The following MICU1 variants were observed in gnomAD, a reference collection of about 807,000 sequenced individuals.
The protein encoded by MICU1 is mitochondrial calcium uptake 1.
In MICU1, 45 loss-of-function variants were observed where a neutral mutation model predicts 56.8. That is an observed-to-expected ratio of 0.79 (90% CI 0.62 to 1.02). MICU1 has a LOEUF of 1.02. Among genes scored for constraint, MICU1 ranks in the 50% least tolerant of loss-of-function variants. MICU1 has a pLI of 0.00. For synonymous variants in MICU1, 186 were observed against 195.1 expected (o/e 0.95, Z 0.39); for missense variants, 504 against 587.1 (o/e 0.86, Z 1.46).
chr10:72,617,963 A>G (rs893647058), intron 1 of MICU1, among the ~76,000 whole-genome samples: 2 of 152,110 alleles, frequency 1.3e-5, no homozygotes, highest in African/African-American at 4.8e-5. Flanking sequence ...GTCAGGAGTT[A>G]GAGACCAGCC....
intron 9 of MICU1, among the ~76,000 whole-genome samples, chr10:72,414,246 G>C (rs1297321271): frequency 1.3e-5 from 2 of 152,050 alleles, no homozygotes; most frequent in African/African-American, 4.8e-5. Context: ...ATAAAATTTA[G>C]TATATCCAAG....
intron 1 of MICU1, among the ~76,000 whole-genome samples, chr10:72,612,474 G>A (rs1841876960): frequency 6.6e-6 from 1 of 152,124 alleles, no homozygotes; most frequent in African/African-American, 2.4e-5. Context: ...GTCATGCCAA[G>A]GCTTTGACAG....
intron 5 of MICU1, among the ~76,000 whole-genome samples, chr10:72,518,171 T>C (rs1324867856): frequency 6.6e-6 from 1 of 152,042 alleles, no homozygotes; most frequent in Admixed American, 6.5e-5. Flanking sequence ...TAGCTGGGAT[T>C]ACAAGCATGT....
At chr10:72,488,439 T>C (rs1866546076) in intron 6 of MICU1, among the ~76,000 whole-genome samples, 1 of 152,156 alleles carries the variant, frequency 6.6e-6, no homozygotes, top group Admixed American at 6.5e-5. Context: ...TGGTCATTAC[T>C]ACTGCTACTA....
chr10:72,474,617 G>A (rs999285408), intron 8 of MICU1, among the ~76,000 whole-genome samples: 2 of 152,106 alleles, frequency 1.3e-5, no homozygotes, highest in Non-Finnish European at 2.9e-5. Flanking sequence ...TTAGCCTCCC[G>A]GGTAGCTGGG....
chr10:72,575,985 G>A (rs1019376064), intron 1 of MICU1, among the ~76,000 whole-genome samples: 3 of 152,026 alleles, frequency 2.0e-5, no homozygotes, highest in African/African-American at 4.8e-5. Context: ...AGGCTGAGGC[G>A]GGTGGATCAC....
chr10:72,545,435 T>G (rs1010528128), intron 4 of MICU1, among the ~76,000 whole-genome samples: 2 of 152,192 alleles, frequency 1.3e-5, no homozygotes, highest in African/African-American at 4.8e-5. Flanking sequence ...AGTTAACACA[T>G]GTAAGGTATA....
chr10:72,614,069 G>A (rs1841921020), intron 1 of MICU1, among the ~76,000 whole-genome samples: 1 of 152,118 alleles, frequency 6.6e-6, no homozygotes, highest in African/African-American at 2.4e-5. Context: ...GCTTGAACCA[G>A]GAGGCAGAGG....
intron 9 of MICU1, among the ~76,000 whole-genome samples, chr10:72,421,867 C>T (rs2132134552): frequency 6.6e-6 from 1 of 152,326 alleles, no homozygotes; most frequent in Middle Eastern, 3.4e-3. Context: ...GAGTGAACTC[C>T]AAACTCCCTC....
chr10:72,509,865 T>A (rs1867385536), intron 5 of MICU1, among the ~76,000 whole-genome samples: 1 of 152,122 alleles, frequency 6.6e-6, no homozygotes, highest in Non-Finnish European at 1.5e-5. Flanking sequence ...CACCAGGAAG[T>A]TAATATTTAA....
chr10:72,407,959 A>G lies in MICU1; in HGVS notation c.1150T>C (p.Tyr384His). ...INDVDTALSF[Y>H]HMAGASLDKV... ...TCAAGAGATGCTCCAGCCATATGGT[A>G]AAAACTCAATGCAGTGTCCACATCA... The change falls in exon 10 of 12, where the codon TAC (tyrosine) becomes CAC (histidine). Residue 384 changes from tyrosine to histidine, a missense_variant. By Grantham distance (83) the Tyr-to-His change is moderately conservative (BLOSUM62 2). Coordinates refer to ENST00000361114, the MANE Select transcript of MICU1 (RefSeq NM_001195518.2). 6.2e-7 allele frequency: 1 copy of G among 1,613,428 alleles called. No homozygotes were observed. The highest frequency in any genetic ancestry group is 8.5e-7 in the Non-Finnish European group (1 of 1,179,570).
In MICU1 at chr10:72,568,813, C is replaced by T. The variant is rs542672360; in HGVS notation, c.-1-2019G>A. 7.8e-4 allele frequency among the ~76,000 whole-genome samples: 106 copies of T among 135,992 alleles called. 1 individual carries two copies. The highest frequency in any genetic ancestry group is 1.8e-3 in the South Asian group (8 of 4,360). 89.2% of individuals were successfully genotyped at this position (135,992 alleles called of 152,430 possible). On this transcript the variant is annotated intron_variant, in intron 1 of 11. Coordinates refer to ENST00000361114, the MANE Select transcript of MICU1 (RefSeq NM_001195518.2). The stretch of plus-strand genomic sequence containing the variant: ...TATCACCCAGGCTGGAGTACAGTGG[C>T]GCAATCTCGGCTCACTGCAACCTCC...
intron 5 of MICU1, among the ~76,000 whole-genome samples, chr10:72,512,193 T>C (rs577318669): frequency 7.3e-6 from 1 of 137,746 alleles, no homozygotes; most frequent in South Asian, 2.6e-4. Flanking sequence ...CTTACTGCAA[T>C]CTCTGCCTCC....
intron 8 of MICU1, among the ~76,000 whole-genome samples, chr10:72,428,728 T>C (rs1013209991): frequency 4.6e-5 from 7 of 152,198 alleles, no homozygotes; most frequent in African/African-American, 1.7e-4. Context: ...CCCTCCAGCC[T>C]GACAGCCAAA....
intron 1 of MICU1, among the ~76,000 whole-genome samples, chr10:72,572,368 A>G (rs1359153833): frequency 6.6e-6 from 1 of 152,150 alleles, no homozygotes; most frequent in Non-Finnish European, 1.5e-5. Flanking sequence ...TCTGAGTTTT[A>G]CCAACTCAGA....
At chr10:72,610,693 C>T (rs952675619) in intron 1 of MICU1, among the ~76,000 whole-genome samples, 9 of 152,148 alleles carry the variant, frequency 5.9e-5, no homozygotes, top group African/African-American at 9.7e-5. Flanking sequence ...GAAATAAACA[C>T]ACAGACATCA....
intron 10 of MICU1, among the ~76,000 whole-genome samples, chr10:72,378,865 A>G (rs1862611160): frequency 6.6e-6 from 1 of 152,206 alleles, no homozygotes; most frequent in African/African-American, 2.4e-5. Flanking sequence ...TTACTAGCAC[A>G]AAGAAGGGTT....
At chr10:72,445,398 T>G (rs1054296509) in intron 8 of MICU1, among the ~76,000 whole-genome samples, 2 of 152,192 alleles carry the variant, frequency 1.3e-5, no homozygotes, top group African/African-American at 4.8e-5. Context: ...ATAGTCACAC[T>G]TTAGCCCATT....
chr10:72,584,361 G>C (rs1029548540), intron 1 of MICU1, among the ~76,000 whole-genome samples: 2 of 152,002 alleles, frequency 1.3e-5, no homozygotes, highest in Non-Finnish European at 2.9e-5. Context: ...AATAACCAAA[G>C]ATACACTTAT....
Sources: gnomAD v4.1 joint callset for allele counts (sites outside exome capture counted in the v4.1 genomes callset) on GRCh38, gnomAD v4.1.1 for gene constraint, MANE v1.5 for transcripts, NCBI Gene and HGNC (gene_info 2026-07-23, HGNC 2026-07-21) for gene names.